CHRM2: variants seen among roughly 807,000 people sequenced by gnomAD.
The protein encoded by CHRM2 is muscarinic acetylcholine receptor M2.
Under a neutral mutation model 25.0 loss-of-function variants are expected in CHRM2, and 8 were observed. That is an observed-to-expected ratio of 0.32 (90% confidence interval 0.19 to 0.58). The LOEUF (loss-of-function observed/expected upper bound fraction) is 0.58, where lower values mean the gene tolerates loss of function less well. Among genes scored for constraint, CHRM2 ranks in the 20% least tolerant of loss-of-function variants. The probability of loss-of-function intolerance (pLI) is 0.88; values close to 1 mark genes in which losing one functional copy is unlikely to be tolerated. For missense variants in CHRM2, 440 were observed against 567.1 expected (o/e 0.78, Z 2.28); for synonymous variants, 202 against 205.7 (o/e 0.98, Z 0.15).
chr7:136,902,801 C>A, intron 2 of CHRM2: 1 of 238,774 alleles, frequency 4.2e-6, no homozygotes. Flanking sequence ...TGAAATTCCA[C>A]AGTAAGATGT....
intron 2 of CHRM2, among the ~76,000 whole-genome samples, chr7:136,983,704 T>G (rs1296225312): frequency 6.6e-6 from 1 of 152,228 alleles, no homozygotes; most frequent in Non-Finnish European, 1.5e-5. Flanking sequence ...CTTCTGCATG[T>G]CCGCTGGAGT....
intron 2 of CHRM2, chr7:136,914,435 A>G (rs1797996668): frequency 6.6e-6 from 1 of 151,974 alleles, no homozygotes; most frequent in Non-Finnish European, 1.5e-5. Flanking sequence ...AGGCATTCAC[A>G]TTGGGTATCC....
At chr7:136,916,253 C>A (rs995157750) in intron 2 of CHRM2, among the ~76,000 whole-genome samples, 1 of 151,810 alleles carries the variant, frequency 6.6e-6, no homozygotes, top group African/African-American at 2.4e-5. Flanking sequence ...TAACTAAAAT[C>A]AAATCTTGTC....
At chr7:136,880,931 T>A (rs1243847135) in intron 2 of CHRM2, among the ~76,000 whole-genome samples, 4 of 151,776 alleles carry the variant, frequency 2.6e-5, no homozygotes, top group South Asian at 4.2e-4. Flanking sequence ...TGGCAAATTA[T>A]CCAGAATGTT....
At chr7:136,974,507 G>A (rs755406170) in intron 2 of CHRM2, among the ~76,000 whole-genome samples, 6 of 152,024 alleles carry the variant, frequency 3.9e-5, no homozygotes, top group Non-Finnish European at 8.8e-5. Flanking sequence ...AGACTTGGAG[G>A]GAAAATTTAA....
At chr7:136,887,781 C>G (rs919447854) in intron 2 of CHRM2, among the ~76,000 whole-genome samples, 2 of 152,120 alleles carry the variant, frequency 1.3e-5, no homozygotes, top group African/African-American at 2.4e-5. Flanking sequence ...GCAGTTCCCC[C>G]TTTTGGGAAA....
intron 2 of CHRM2, among the ~76,000 whole-genome samples, chr7:136,936,971 A>G (rs1019225162): frequency 6.6e-6 from 1 of 152,188 alleles, no homozygotes; most frequent in Non-Finnish European, 1.5e-5. Context: ...TCAAATCTTA[A>G]GATCAAACCA....
rs975508576 is a variant in CHRM2 at position 137,015,345 on chromosome 7, C to T, written c.480C>T (p.Leu160=). 1.2e-5 allele frequency: 20 copies of T among 1,613,336 alleles called. No homozygotes were observed. The African/African-American group carries it at 1.5e-4, about 12-fold the overall frequency. ...LSFILWAPAI[L]FWQFIVGVRT... ...TCATCCTCTGGGCTCCAGCCATTCT[C>T]TTCTGGCAGTTCATTGTAGGGGTGA... Residue 160 remains leucine, a synonymous_variant, in exon 4 of 4, where the codon CTC becomes CTT. Transcript: ENST00000680005. This position sits in a 1 kb window ranked among gnomAD's most constrained non-coding sequence, Gnocchi z 5.1.
chr7:136,960,444 A>G (rs763228973), intron 2 of CHRM2, among the ~76,000 whole-genome samples: 4 of 152,246 alleles, frequency 2.6e-5, no homozygotes, highest in Non-Finnish European at 5.9e-5. Flanking sequence ...CTAAGCCAGA[A>G]CATCCTATTC....
chr7:136,982,512 T>C (rs1802554381), intron 2 of CHRM2, among the ~76,000 whole-genome samples: 1 of 152,198 alleles, frequency 6.6e-6, no homozygotes, highest in Admixed American at 6.5e-5. Context: ...ATTTTGCCCA[T>C]TAGTTGGTGC....
intron 2 of CHRM2, among the ~76,000 whole-genome samples, chr7:136,923,544 A>C (rs1394051680): frequency 6.6e-6 from 1 of 152,140 alleles, no homozygotes; most frequent in East Asian, 1.9e-4. Context: ...TCTTAGAAAG[A>C]ATTGGTCACT....
intron 2 of CHRM2, among the ~76,000 whole-genome samples, chr7:136,945,881 C>A (rs1448546674): frequency 2.0e-5 from 3 of 152,100 alleles, no homozygotes; most frequent in Non-Finnish European, 4.4e-5. Context: ...CTTATTTAAT[C>A]TCAGTTAATC....
At chr7:136,950,718 G>A (rs749177691) in intron 2 of CHRM2, among the ~76,000 whole-genome samples, 39 of 152,278 alleles carry the variant, frequency 2.6e-4, no homozygotes, top group Admixed American at 1.4e-3. Flanking sequence ...TAGCAAATTG[G>A]TAGAAGATTC....
chr7:136,990,571 T>C (rs2131015574), intron 2 of CHRM2, among the ~76,000 whole-genome samples: 2 of 152,292 alleles, frequency 1.3e-5, no homozygotes, highest in South Asian at 4.1e-4. Context: ...TTTAGCATTA[T>C]GTAATACTCC....
At chr7:136,991,480 C>T (rs555247458) in intron 2 of CHRM2, among the ~76,000 whole-genome samples, 2 of 152,112 alleles carry the variant, frequency 1.3e-5, no homozygotes, top group African/African-American at 4.8e-5. Flanking sequence ...CTATTATGTT[C>T]CCTTGATATA....
chr7:136,948,150 G>A (rs1416596576), intron 2 of CHRM2, among the ~76,000 whole-genome samples: 1 of 152,058 alleles, frequency 6.6e-6, no homozygotes, highest in Non-Finnish European at 1.5e-5. Context: ...AGAGCCAGTG[G>A]CCCACATCCA....
rs567529125 is a variant in CHRM2 at position 136,891,658 on chromosome 7, C to G, written c.-125+22240C>G. On this transcript the variant is annotated intron_variant, in intron 2 of 3. Coordinates refer to ENST00000680005, the MANE Select transcript of CHRM2 (RefSeq NM_001006630.2). ...TCTCATCTTGAACTGCTGTGTGCTT[C>G]AATCAGCGTTTAGCTACACTTGTTT... Among the ~76,000 whole-genome samples, 7 of 152,258 alleles carry G rather than the reference C, an allele frequency of 4.6e-5. No individual in the cohort carries two copies. In the South Asian group the frequency reaches 1.5e-3, roughly 32 times the overall value.
intron 2 of CHRM2, among the ~76,000 whole-genome samples, chr7:136,957,690 T>G (rs1421601247): frequency 1.3e-5 from 2 of 152,228 alleles, no homozygotes; most frequent in Non-Finnish European, 2.9e-5. Context: ...CTATTGTGTA[T>G]TCACCCCTCA....
At chr7:136,977,658 G>T (rs1428872123) in intron 2 of CHRM2, among the ~76,000 whole-genome samples, 5 of 152,198 alleles carry the variant, frequency 3.3e-5, no homozygotes, top group Admixed American at 3.3e-4. Context: ...AAGGCCAAGG[G>T]TGGTTTGCTA....
Sources: allele counts gnomAD v4.1 joint callset (sites outside exome capture counted in the v4.1 genomes callset), GRCh38; gene constraint gnomAD v4.1.1; non-coding constraint Gnocchi (gnomAD v3.1); transcripts MANE v1.5; gene names NCBI Gene and HGNC (gene_info 2026-07-23, HGNC 2026-07-21).